GRB10: variants seen among roughly 807,000 people sequenced by gnomAD.
The protein encoded by GRB10 is growth factor receptor-bound protein 10.
In GRB10, 20 loss-of-function variants were observed where a neutral mutation model predicts 80.9. The observed-to-expected ratio is 0.25, with a 90% CI of 0.17 to 0.36. The LOEUF is 0.36. Among genes scored for constraint, GRB10 ranks in the 10% least tolerant of loss-of-function variants. The pLI is 1.00. For missense variants in GRB10, 548 were observed against 747.7 expected (o/e 0.73, Z 3.12); for synonymous variants, 291 against 291.5 (o/e 1.00, Z 0.02).
intron 17 of GRB10, among the ~76,000 whole-genome samples, chr7:50,597,779 A>G (rs1011590890): frequency 6.6e-6 from 1 of 152,346 alleles, no homozygotes; most frequent in South Asian, 2.1e-4. Flanking sequence ...CATCAGCAGG[A>G]ATCCTGGATA....
At chr7:50,708,609 T>G (rs1487272529) in intron 4 of GRB10, among the ~76,000 whole-genome samples, 1 of 151,936 alleles carries the variant, frequency 6.6e-6, no homozygotes, top group Non-Finnish European at 1.5e-5. Flanking sequence ...TCTGTGTGTC[T>G]GTTTCCCAGC....
intron 7 of GRB10, among the ~76,000 whole-genome samples, chr7:50,668,219 GTC>G (rs2086548274): frequency 6.6e-6 from 1 of 152,138 alleles, no homozygotes; most frequent in Admixed American, 6.5e-5. Flanking sequence ...TTGGAAAAAG[GTC>G]TCTCTCTCAA....
chr7:50,647,889 G>A (rs1323500249), intron 7 of GRB10, among the ~76,000 whole-genome samples: 1 of 152,194 alleles, frequency 6.6e-6, no homozygotes, highest in Non-Finnish European at 1.5e-5. Flanking sequence ...AATTCTGATG[G>A]GGGTACTGGT....
At chr7:50,707,363 G>A (rs983712400) in intron 4 of GRB10, among the ~76,000 whole-genome samples, 1 of 152,156 alleles carries the variant, frequency 6.6e-6, no homozygotes, top group Non-Finnish European at 1.5e-5. Context: ...CTGCTCACGT[G>A]TTATAATCTT....
At chr7:50,725,875 A>G (rs535187728) in intron 4 of GRB10, 5 of 152,210 alleles carry the variant, frequency 3.3e-5, no homozygotes, top group African/African-American at 2.4e-5. Flanking sequence ...AATCAAATAG[A>G]TATCTGCACA....
intron 5 of GRB10, among the ~76,000 whole-genome samples, chr7:50,675,193 C>A (rs1430202263): frequency 6.6e-6 from 1 of 152,238 alleles, no homozygotes; most frequent in African/African-American, 2.4e-5. Context: ...TGTGTGGCTG[C>A]TACTACAACA....
chr7:50,643,406 C>G (rs1028117343), intron 7 of GRB10, among the ~76,000 whole-genome samples: 1 of 152,308 alleles, frequency 6.6e-6, no homozygotes, highest in South Asian at 2.1e-4. Flanking sequence ...AAACACCACA[C>G]AAACCAAAAT....
intron 8 of GRB10, among the ~76,000 whole-genome samples, chr7:50,620,048 G>A (rs990624613): frequency 4.6e-5 from 7 of 152,302 alleles, no homozygotes; most frequent in Non-Finnish European, 8.8e-5. Flanking sequence ...CAAGTGGAGC[G>A]GGAAGAACTC....
intron 6 of GRB10, among the ~76,000 whole-genome samples, chr7:50,671,691 G>A (rs1323780980): frequency 6.6e-6 from 1 of 152,266 alleles, no homozygotes; most frequent in Non-Finnish European, 1.5e-5. Context: ...CGGGTGGCCA[G>A]TGCCACTTTC....
intron 5 of GRB10, among the ~76,000 whole-genome samples, chr7:50,676,450 C>T (rs957924868): frequency 6.6e-6 from 1 of 150,862 alleles, no homozygotes; most frequent in Non-Finnish European, 1.5e-5. Context: ...CTATTTCTTA[C>T]AAAATAACAA....
chr7:50,679,454 G>A (rs1271012223), intron 5 of GRB10, among the ~76,000 whole-genome samples: 1 of 152,144 alleles, frequency 6.6e-6, no homozygotes, highest in Non-Finnish European at 1.5e-5. Context: ...GCACCATCTA[G>A]TGTCTTCTTT....
chr7:50,720,783 A>G (rs1210246674), intron 4 of GRB10, among the ~76,000 whole-genome samples: 4 of 144,348 alleles, frequency 2.8e-5, no homozygotes, highest in Non-Finnish European at 4.6e-5. Context: ...TACACCATTA[A>G]AAAAAAAAAA....
chr7:50,789,655 T>C (rs747997644), intron 1 of GRB10, among the ~76,000 whole-genome samples: 1 of 152,130 alleles, frequency 6.6e-6, no homozygotes, highest in East Asian at 1.9e-4. Flanking sequence ...GCCCAAATAA[T>C]AAGCCCCTCA....
intron 6 of GRB10, among the ~76,000 whole-genome samples, chr7:50,671,890 C>T (rs923541819): frequency 2.0e-5 from 3 of 152,188 alleles, no homozygotes; most frequent in African/African-American, 4.8e-5. Flanking sequence ...AAAATCCCCA[C>T]CAAAGAGGCT....
intron 17 of GRB10, 108 bp from the exon 18 acceptor site, chr7:50,595,638 G>A: frequency 3.1e-6 from 1 of 325,404 alleles, no homozygotes; most frequent in East Asian, 5.7e-5. Context: ...CACACACACA[G>A]GCTTGGAGCC....
chr7:50,593,994 T>A lies in GRB10; in HGVS notation c.1639-896A>T, dbSNP rs73344820. Among the ~76,000 whole-genome samples the A allele has an allele frequency of 8.9e-3, 1,361 of 152,126 alleles. 24 individuals are homozygous for A. The highest frequency in any genetic ancestry group is 0.031 in the African/African-American group (1,292 of 41,502). On this transcript the variant is annotated intron_variant, in intron 18 of 18. Coordinates refer to ENST00000401949, the MANE Select transcript of GRB10 (RefSeq NM_001350814.2). ...GCCCCCTTTCTTTCTTTTTTTTTTTTAATTTACTCATCCAGCCTAAAATGT... is the reference window on the plus strand; with the variant it reads ...GCCCCCTTTCTTTCTTTTTTTTTTTAAATTTACTCATCCAGCCTAAAATGT...
intron 13 of GRB10, among the ~76,000 whole-genome samples, chr7:50,608,305 A>G (rs1181295207): frequency 1.3e-5 from 2 of 152,234 alleles, no homozygotes; most frequent in Non-Finnish European, 2.9e-5. Flanking sequence ...GATTCAGAAG[A>G]CAATGCAGTG....
chr7:50,605,073 A>AAG, intron 15 of GRB10: 1 of 585,106 alleles, frequency 1.7e-6, no homozygotes, highest in Non-Finnish European at 3.1e-6. Context: ...CCTTCCATGA[A>AAG]AGCCCAGGGG....
upstream of GRB10, among the ~76,000 whole-genome samples, chr7:50,785,246 G>A (rs1387871362): frequency 6.6e-6 from 1 of 152,202 alleles, no homozygotes; most frequent in Non-Finnish European, 1.5e-5. Flanking sequence ...CAGGGCTCCT[G>A]TCAGCTTCTG....
Sources: allele counts gnomAD v4.1 joint callset (sites outside exome capture counted in the v4.1 genomes callset), GRCh38; gene constraint gnomAD v4.1.1; transcripts MANE v1.5; gene names NCBI Gene and HGNC (gene_info 2026-07-23, HGNC 2026-07-21).